The following ALPK1 variants were observed in gnomAD, a reference collection of about 807,000 sequenced individuals.
ALPK1 encodes the protein alpha-protein kinase 1.
ALPK1 carries 110 observed loss-of-function variants against 120.6 expected under a neutral mutation model. The observed-to-expected ratio is 0.91, with a 90% CI of 0.78 to 1.07. The LOEUF is 1.07. Among genes scored for constraint, ALPK1 ranks in the 50% least tolerant of loss-of-function variants. The probability of loss-of-function intolerance (pLI) is 0.00; values close to 1 mark genes in which losing one functional copy is unlikely to be tolerated. For synonymous variants in ALPK1, 582 were observed against 560.3 expected (o/e 1.04, Z -0.55); for missense variants, 1,498 against 1,483.9 (o/e 1.01, Z -0.16).
chr4:112,329,060 C>T (rs1279113426), intron 2 of ALPK1, among the ~76,000 whole-genome samples: 2 of 152,146 alleles, frequency 1.3e-5, no homozygotes, highest in African/African-American at 2.4e-5. Context: ...GAAACTGTGC[C>T]GTTTTCATCC....
rs775074954 is a variant in ALPK1 at position 112,431,525 on chromosome 4, C to A, written c.1978C>A (p.Pro660Thr). The A allele has an allele frequency of 6.2e-7, 1 of 1,614,158 alleles. No individual in the cohort carries two copies. The highest frequency in any genetic ancestry group is 1.1e-5 in the South Asian group (1 of 91,082). The change falls in exon 11 of 16, where the codon CCT becomes ACT. Residue 660 changes from proline (P) to threonine (T), a missense_variant. Pro to Thr is a conservative substitution (Grantham distance 38, BLOSUM62 -1). Coordinates refer to ENST00000650871, the MANE Select transcript of ALPK1 (RefSeq NM_025144.4). ...LQEPNNDNLE[P>T]SQNQPQQQMP... is the part of the protein sequence containing the mutation. ...GGAACCCAACAATGACAATTTGGAG[C>A]CTTCTCAAAATCAGCCACAGCAACA...
chr4:112,299,237 T>G (rs2110515554), intron 1 of ALPK1, among the ~76,000 whole-genome samples: 1 of 152,246 alleles, frequency 6.6e-6, no homozygotes. Context: ...GAATATTATC[T>G]GGTGCTATCA....
intron 5 of ALPK1, chr4:112,414,275 A>G (rs781165409): frequency 1.4e-5 from 7 of 496,632 alleles, no homozygotes; most frequent in Non-Finnish European, 2.4e-5. Flanking sequence ...GATCCCATCC[A>G]GCCAAACACT....
chr4:112,395,306 T>C (rs1428265527), intron 4 of ALPK1, among the ~76,000 whole-genome samples: 3 of 152,212 alleles, frequency 2.0e-5, no homozygotes, highest in African/African-American at 7.2e-5. Context: ...ACCTGCCTGC[T>C]TCATAAAACA....
chr4:112,402,856 T>A (rs1291436420), intron 4 of ALPK1, among the ~76,000 whole-genome samples: 1 of 152,202 alleles, frequency 6.6e-6, no homozygotes, highest in East Asian at 1.9e-4. Flanking sequence ...ACACTAAAAC[T>A]GTTACTGTGA....
intron 5 of ALPK1, 92 bp downstream of exon 5, chr4:112,412,117 G>A: frequency 2.0e-6 from 3 of 1,502,356 alleles, no homozygotes; most frequent in Non-Finnish European, 2.7e-6. Flanking sequence ...GACACCCGGA[G>A]CACCCGGGCC....
At chr4:112,374,974 A>G (rs1177180819) in intron 2 of ALPK1, among the ~76,000 whole-genome samples, 1 of 152,150 alleles carries the variant, frequency 6.6e-6, no homozygotes, top group Non-Finnish European at 1.5e-5. Flanking sequence ...AGAACAGTAA[A>G]TGAATACTGG....
intron 2 of ALPK1, chr4:112,357,876 G>A: frequency 1.7e-6 from 2 of 1,162,016 alleles, no homozygotes; most frequent in Admixed American, 1.8e-5. Flanking sequence ...AGGCGCTGAG[G>A]CCGCTGTTTG....
intron 2 of ALPK1, among the ~76,000 whole-genome samples, chr4:112,334,131 T>C (rs1256085737): frequency 6.6e-6 from 1 of 152,062 alleles, no homozygotes; most frequent in Non-Finnish European, 1.5e-5. Flanking sequence ...ACAAATTTCC[T>C]GAAGAAAAAC....
At chr4:112,392,427 T>C (rs892222616) in intron 4 of ALPK1, among the ~76,000 whole-genome samples, 18 of 152,224 alleles carry the variant, frequency 1.2e-4, no homozygotes, top group African/African-American at 4.1e-4. Context: ...TCCCTAATCC[T>C]ACTGTAACTA....
At chr4:112,377,943 C>T (rs1167211830) in intron 3 of ALPK1, 45 bp downstream of exon 3, 2 of 1,556,168 alleles carry the variant, frequency 1.3e-6, no homozygotes, top group Admixed American at 3.6e-5. Flanking sequence ...AGCAGGTTCA[C>T]TCTCCTGTCC....
At chr4:112,398,743 T>A (rs1732778791) in intron 4 of ALPK1, among the ~76,000 whole-genome samples, 1 of 152,158 alleles carries the variant, frequency 6.6e-6, no homozygotes, top group Admixed American at 6.5e-5. Flanking sequence ...AGGGACCCTA[T>A]CCAAGCAAGA....
chr4:112,356,818 G>T, intron 2 of ALPK1: 1 of 727,786 alleles, frequency 1.4e-6, no homozygotes, highest in East Asian at 2.9e-5. Context: ...GTTAGTTGTT[G>T]GATGCCAAGA....
At chr4:112,314,903 G>C (rs1406750615) in intron 1 of ALPK1, among the ~76,000 whole-genome samples, 2 of 111,630 alleles carry the variant, frequency 1.8e-5, no homozygotes, top group African/African-American at 3.4e-5. Flanking sequence ...TTTTTTTTGA[G>C]ACAGTCTCAC....
intron 2 of ALPK1, among the ~76,000 whole-genome samples, chr4:112,334,948 C>A (rs558266902): frequency 6.6e-6 from 1 of 152,274 alleles, no homozygotes; most frequent in South Asian, 2.1e-4. Flanking sequence ...TCCAGGGGTT[C>A]ACAGTACCTA....
chr4:112,407,386 G>A (rs1733234268), intron 4 of ALPK1, among the ~76,000 whole-genome samples: 1 of 152,152 alleles, frequency 6.6e-6, no homozygotes, highest in African/African-American at 2.4e-5. Context: ...ACTGAGGTGG[G>A]AGGATCACTT....
chr4:112,374,179 A>G (rs2148724439), intron 2 of ALPK1, among the ~76,000 whole-genome samples: 1 of 152,228 alleles, frequency 6.6e-6, no homozygotes, highest in East Asian at 1.9e-4. Context: ...TGCTTTACCA[A>G]CTAAGTTTAC....
At chr4:112,336,890 T>G (rs1729643235) in intron 2 of ALPK1, among the ~76,000 whole-genome samples, 1 of 152,184 alleles carries the variant, frequency 6.6e-6, no homozygotes, top group Non-Finnish European at 1.5e-5. Context: ...TTGGAAATAA[T>G]AGGCAAATTT....
At chr4:112,436,904 A>G (rs1017376989) in intron 12 of ALPK1, among the ~76,000 whole-genome samples, 2 of 152,212 alleles carry the variant, frequency 1.3e-5, no homozygotes, top group Non-Finnish European at 2.9e-5. Context: ...TATATTTCTG[A>G]TCAGAAGAAA....
Sources: allele counts gnomAD v4.1 joint callset (sites outside exome capture counted in the v4.1 genomes callset), GRCh38; gene constraint gnomAD v4.1.1; transcripts MANE v1.5; gene names NCBI Gene and HGNC (gene_info 2026-07-23, HGNC 2026-07-21).